Variants in MINDY4B observed in about 807,000 individuals in gnomAD.
MINDY4B encodes the protein MINDY family member 4B, also known as inactive ubiquitin carboxyl-terminal hydrolase MINDY-4B.
Under a neutral mutation model 16.7 loss-of-function variants are expected in MINDY4B, and 25 were observed. The ratio of observed to expected loss-of-function variants is 1.49; its 90% CI spans 1.09 to 2.09. The LOEUF (loss-of-function observed/expected upper bound fraction) is 2.09. MINDY4B is among the 30% of genes most tolerant of loss of function. The probability of loss-of-function intolerance (pLI) is 0.00; values close to 1 mark genes in which losing one functional copy is unlikely to be tolerated. For missense variants in MINDY4B, 327 were observed against 168.4 expected (o/e 1.94, Z -5.21); for synonymous variants, 132 against 61.9 (o/e 2.13, Z -5.32).
Position 150,873,201 on chromosome 3 carries a change from A to G in MINDY4B, c.1226T>C (p.Val409Ala), listed in dbSNP as rs1168632462. 2 of 703,174 alleles carry G rather than the reference A, an allele frequency of 2.8e-6. No individual in the cohort carries two copies. Among genetic ancestry groups the G allele is most frequent in the Non-Finnish European group, 2.6e-6 (1 of 384,866 alleles). 43.6% of individuals were successfully genotyped at this position (703,174 alleles called of 1,614,324 possible). The change falls in exon 11 of 12, where the codon GTG (valine) becomes GCG (alanine). Residue 409 changes from valine to alanine, a missense_variant. Coordinates refer to ENST00000465419, the MANE Select transcript of MINDY4B (RefSeq NM_001351281.2). ...GAAATGCTCACCTATTGTAAGACGC[A>G]CAAGCTTTTTCTGTGAGGGTTGGCC... ...YSGQPSQKKL[V>A]RLTIDTHSHH...
Position 150,894,866 on chromosome 3 carries a change from C to G in MINDY4B, c.310-561G>C, listed in dbSNP as rs965783014. On this transcript the variant is annotated intron_variant, in intron 3 of 11. Transcript: ENST00000465419. ...ACTGATTGATCATTTAGCATGTACT[C>G]GATCTTGTGTGGGATATAGTTATGT... Among the ~76,000 whole-genome samples, 2 of 152,160 alleles carry G rather than the reference C, an allele frequency of 1.3e-5. 1 individual carries two copies. Among genetic ancestry groups the G allele is most frequent in the South Asian group, 4.1e-4 (2 of 4,822 alleles).
intron 10 of MINDY4B, among the ~76,000 whole-genome samples, chr3:150,875,835 C>T (rs1480473527): frequency 2.5e-4 from 38 of 152,190 alleles, no homozygotes; most frequent in Admixed American, 2.5e-3. Flanking sequence ...CAGTTGAGAA[C>T]ACATCTGGTT....
intron 7 of MINDY4B, among the ~76,000 whole-genome samples, chr3:150,886,423 G>T (rs1157639395): frequency 6.6e-6 from 1 of 152,332 alleles, no homozygotes; most frequent in East Asian, 1.9e-4. Context: ...GAGCCAGATA[G>T]TTACTGAAAT....
At chr3:150,898,907 C>T (rs1460488303) in intron 3 of MINDY4B, among the ~76,000 whole-genome samples, 1 of 152,114 alleles carries the variant, frequency 6.6e-6, no homozygotes, top group Non-Finnish European at 1.5e-5. Flanking sequence ...TCCCTGTGAC[C>T]ACCTGCCCAC....
chr3:150,875,950 G>T (rs1021515640), intron 10 of MINDY4B, among the ~76,000 whole-genome samples: 1 of 152,096 alleles, frequency 6.6e-6, no homozygotes, highest in Non-Finnish European at 1.5e-5. Context: ...AGTTTGACTG[G>T]CATTTTTTGT....
intron 4 of MINDY4B, among the ~76,000 whole-genome samples, chr3:150,893,701 G>A (rs55817715): frequency 4.4e-5 from 4 of 91,536 alleles, no homozygotes; most frequent in African/African-American, 6.0e-5. Flanking sequence ...TTTTTTGGGG[G>A]GGGGGGTGGG....
intron 2 of MINDY4B, among the ~76,000 whole-genome samples, chr3:150,903,769 C>T (rs573945484): frequency 1.5e-4 from 23 of 152,234 alleles, no homozygotes; most frequent in African/African-American, 5.5e-4. Flanking sequence ...CGAATCTTTC[C>T]AGTTTACACA....
In MINDY4B at chr3:150,870,641, A is replaced by G. The variant is rs1716943873; in HGVS notation, c.*404T>C. On this transcript the variant is annotated 3_prime_UTR_variant, in exon 12 of 12. Coordinates refer to ENST00000465419, the MANE Select transcript of MINDY4B (RefSeq NM_001351281.2). Reference sequence around the variant, plus strand: ...AGGCTTGAGTTCTTGCCATAACTAAAAATCCGATGATGCATTACCAATGAC... The same window carrying G: ...AGGCTTGAGTTCTTGCCATAACTAAGAATCCGATGATGCATTACCAATGAC... Among the ~76,000 whole-genome samples the G allele has an allele frequency of 6.6e-6, 1 of 152,248 alleles. No homozygotes were observed. Among genetic ancestry groups the G allele is most frequent in the South Asian group, 2.1e-4 (1 of 4,838 alleles).
At chr3:150,903,060 T>A (rs1712154117) in intron 3 of MINDY4B, among the ~76,000 whole-genome samples, 189 bp downstream of exon 3, 1 of 152,224 alleles carries the variant, frequency 6.6e-6, no homozygotes, top group Non-Finnish European at 1.5e-5. Context: ...GAAAGGGCTG[T>A]ACTGCCACAA....
intron 10 of MINDY4B, 94 bp from the exon 11 acceptor site, chr3:150,873,461 G>A (rs1482175424): frequency 1.6e-6 from 1 of 636,626 alleles, no homozygotes; most frequent in African/African-American, 1.8e-5. Flanking sequence ...GCAGCTCTGA[G>A]GTTTCTTGTT....
intron 3 of MINDY4B, among the ~76,000 whole-genome samples, chr3:150,898,757 A>G (rs1280927431): frequency 6.6e-6 from 1 of 152,334 alleles, no homozygotes; most frequent in African/African-American, 2.4e-5. Flanking sequence ...TTTGATTGCT[A>G]TGATGACAGT....
intron 2 of MINDY4B, 82 bp from the exon 3 acceptor site, chr3:150,903,498 G>GAAAT: frequency 5.0e-6 from 2 of 397,556 alleles, no homozygotes; most frequent in South Asian, 1.3e-4. Context: ...TTTTCTCTCT[G>GAAAT]AAATACCAGT....
intron 6 of MINDY4B, chr3:150,890,703 T>C (rs1711775966): frequency 2.0e-6 from 1 of 509,818 alleles, no homozygotes; most frequent in Non-Finnish European, 3.5e-6. Flanking sequence ...TTTATGATTA[T>C]TTCAGATGGG....
In MINDY4B at chr3:150,882,564, G is replaced by GTATA. The variant is rs59302082; in HGVS notation, c.1059+329_1059+332dup. On this transcript the variant is annotated intron_variant, in intron 10 of 11. Transcript: ENST00000465419. ...TTTTCCTTTGTGTATGTGTATGTGT[G>GTATA]TATATATATATATATATATATATAT... 3.4e-3 allele frequency among the ~76,000 whole-genome samples: 499 copies of GTATA among 148,068 alleles called. 4 individuals are homozygous for GTATA. The highest frequency in any genetic ancestry group is 0.023 in the East Asian group (114 of 4,860).
chr3:150,900,594 C>G (rs1264655936), intron 3 of MINDY4B, among the ~76,000 whole-genome samples: 1 of 152,186 alleles, frequency 6.6e-6, no homozygotes, highest in East Asian at 1.9e-4. Flanking sequence ...TTAAAGGACT[C>G]ATGATCATCT....
chr3:150,890,330 T>A lies in MINDY4B; in HGVS notation c.743A>T (p.His248Leu). Residue 248 changes from histidine (H) to leucine (L), a missense_variant, in exon 7 of 12, where the codon CAC becomes CTC. Transcript: ENST00000465419. Reference sequence around the variant, plus strand: ...CACTTAAACACTTACACATAGTAAGTGATCGTAGATGAATTTCTCAGCGGC... The same window carrying A: ...CACTTAAACACTTACACATAGTAAGAGATCGTAGATGAATTTCTCAGCGGC... ...KEAAEKFIYD[H>L]LLCFRGEGSH... is the part of the protein sequence containing the mutation. 2 of 630,212 alleles carry A rather than the reference T, an allele frequency of 3.2e-6. No individual in the cohort carries two copies. Among genetic ancestry groups the A allele is most frequent in the Non-Finnish European group, 5.6e-6 (2 of 356,596 alleles). The allele number at this position is 630,212 out of a possible 1,614,324, so 39.0% of individuals were successfully genotyped here.
At chr3:150,894,867 G>T (rs752047538) in intron 3 of MINDY4B, among the ~76,000 whole-genome samples, 1 of 152,144 alleles carries the variant, frequency 6.6e-6, no homozygotes, top group Non-Finnish European at 1.5e-5. Context: ...GCATGTACTC[G>T]ATCTTGTGTG....
chr3:150,904,899 G>GA (rs1559970464), intron 2 of MINDY4B, among the ~76,000 whole-genome samples, 163 bp downstream of exon 2: 1 of 152,184 alleles, frequency 6.6e-6, no homozygotes, highest in African/African-American at 2.4e-5. Flanking sequence ...AAAAGCACAA[G>GA]AAAAAAATCT....
chr3:150,894,561 G>T (rs1449539964), intron 3 of MINDY4B, among the ~76,000 whole-genome samples: 1 of 152,172 alleles, frequency 6.6e-6, no homozygotes, highest in Admixed American at 6.5e-5. Flanking sequence ...TGTGTCTACA[G>T]CTCTTGCCCC....
Sources: gnomAD v4.1 joint callset for allele counts (sites outside exome capture counted in the v4.1 genomes callset) on GRCh38, gnomAD v4.1.1 for gene constraint, MANE v1.5 for transcripts, NCBI Gene and HGNC (gene_info 2026-07-23, HGNC 2026-07-21) for gene names.